Variants in SGK3 observed in about 807,000 individuals in gnomAD.
The protein encoded by SGK3 is serum/glucocorticoid regulated kinase family member 3.
Under a neutral mutation model 68.5 loss-of-function variants are expected in SGK3, and 47 were observed. The observed-to-expected ratio is 0.69, with a 90% confidence interval of 0.54 to 0.87. SGK3 has a LOEUF of 0.87. SGK3 is among the 40% of genes least tolerant of loss of function. The pLI, the probability that SGK3 is intolerant of heterozygous loss-of-function variation, is 0.00. For missense variants in SGK3, 479 were observed against 575.5 expected, an observed-to-expected ratio of 0.83 and a Z score of 1.72; for synonymous variants, 181 against 189.1, an observed-to-expected ratio of 0.96 and a Z score of 0.35.
intron 16 of SGK3, 92 bp from the exon 17 acceptor site, chr8:66,859,319 G>A: frequency 1.0e-5 from 14 of 1,348,454 alleles, no homozygotes; most frequent in Non-Finnish European, 1.3e-5. Flanking sequence ...AGGTGGCAGT[G>A]TGAGACTCTG....
intron 1 of SGK3, among the ~76,000 whole-genome samples, chr8:66,778,445 C>T (rs1806811295): frequency 6.6e-6 from 1 of 152,094 alleles, no homozygotes; most frequent in African/African-American, 2.4e-5. Context: ...TACAGGCGCC[C>T]GCCACCACGC....
chr8:66,848,008 A>C (rs1810105692), intron 15 of SGK3, among the ~76,000 whole-genome samples: 2 of 152,130 alleles, frequency 1.3e-5, no homozygotes, highest in Admixed American at 1.3e-4. Flanking sequence ...ATGCACAAAA[A>C]TATTGAGGAA....
At chr8:66,780,286 G>A (rs1232510339) in intron 1 of SGK3, among the ~76,000 whole-genome samples, 1 of 152,088 alleles carries the variant, frequency 6.6e-6, no homozygotes, top group African/African-American at 2.4e-5. Flanking sequence ...ATTTCTAAAC[G>A]TCTCTCTCCA....
chr8:66,755,065 C>T (rs370210612), intron 1 of SGK3, among the ~76,000 whole-genome samples: 12 of 152,044 alleles, frequency 7.9e-5, no homozygotes, highest in Admixed American at 7.2e-4. Context: ...TCAAGACCAC[C>T]CTGACCAACA....
At chr8:66,768,597 C>G (rs972695967) in intron 1 of SGK3, among the ~76,000 whole-genome samples, 1 of 152,140 alleles carries the variant, frequency 6.6e-6, no homozygotes, top group Non-Finnish European at 1.5e-5. Context: ...TGGAATCTTG[C>G]TCTGTCACCC....
chr8:66,804,990 G>A (rs946970221), intron 4 of SGK3, among the ~76,000 whole-genome samples: 2 of 151,738 alleles, frequency 1.3e-5, no homozygotes, highest in Non-Finnish European at 2.9e-5. Context: ...GAGGCGAGAG[G>A]ATAGCTTGAG....
At chr8:66,855,322 C>A (rs893340663) in intron 16 of SGK3, among the ~76,000 whole-genome samples, 2 of 152,286 alleles carry the variant, frequency 1.3e-5, no homozygotes, top group Admixed American at 1.3e-4. Flanking sequence ...CCTGCCTCAG[C>A]CTCCCAAGTA....
rs1329649596 is a variant in SGK3 at position 66,759,074 on chromosome 8, TTTC to T, written c.-121-34536_-121-34534del. 6.0e-5 allele frequency among the ~76,000 whole-genome samples: 8 copies of T among 133,036 alleles called. No individual in the cohort carries two copies. The South Asian group carries it at 1.2e-3, about 19-fold the overall frequency. 87.3% of individuals were successfully genotyped at this position (133,036 alleles called of 152,430 possible). On this transcript the variant is annotated intron_variant, in intron 1 of 16. Coordinates refer to ENST00000521198, the MANE Select transcript of SGK3 (RefSeq NM_001033578.3). ...TAAGGCCTTCTTTTTTCTTTTTTCT[TTTC>T]TTCTTTTTTTTTTTTTTTGAGACAG... is the stretch of plus-strand genomic sequence containing the variant.
chr8:66,760,336 T>TC (rs1480463103), intron 1 of SGK3, among the ~76,000 whole-genome samples: 1 of 111,336 alleles, frequency 9.0e-6, no homozygotes, highest in East Asian at 2.1e-4. Context: ...TTTTCTTTTT[T>TC]TTTTTTTTTT....
At chr8:66,722,272 T>G (rs2130337366) in intron 1 of SGK3, among the ~76,000 whole-genome samples, 2 of 152,232 alleles carry the variant, frequency 1.3e-5, no homozygotes, top group South Asian at 4.1e-4. Context: ...GATGTTTTTG[T>G]TTTTGTTTTT....
At chr8:66,760,806 T>A (rs1806144572) in intron 1 of SGK3, among the ~76,000 whole-genome samples, 1 of 152,180 alleles carries the variant, frequency 6.6e-6, no homozygotes, top group Admixed American at 6.5e-5. Context: ...TTTTGATATA[T>A]AGCAGAAGTG....
chr8:66,767,959 A>G (rs6472285), intron 1 of SGK3: 70,004 of 900,002 alleles, frequency 0.078, 5,335 homozygotes, highest in African/African-American at 0.33. Flanking sequence ...AGCCACAAGG[A>G]TGCCTGGTTC....
At chr8:66,758,175 G>A (rs1014284758) in intron 1 of SGK3, among the ~76,000 whole-genome samples, 20 of 151,798 alleles carry the variant, frequency 1.3e-4, no homozygotes, top group Admixed American at 7.9e-4. Context: ...CCAACATGGC[G>A]AAACCCTGTC....
chr8:66,746,578 A>G (rs1805661231), intron 1 of SGK3, among the ~76,000 whole-genome samples: 1 of 151,930 alleles, frequency 6.6e-6, no homozygotes, highest in African/African-American at 2.4e-5. Context: ...TTTAAAGGCA[A>G]AATCTCATTC....
At chr8:66,768,582 T>G (rs1461624430) in intron 1 of SGK3, among the ~76,000 whole-genome samples, 1 of 152,182 alleles carries the variant, frequency 6.6e-6, no homozygotes, top group Non-Finnish European at 1.5e-5. Context: ...TTATTTATTT[T>G]GAGATGGAAT....
intron 1 of SGK3, among the ~76,000 whole-genome samples, chr8:66,760,688 A>G (rs1462789449): frequency 6.6e-6 from 1 of 152,168 alleles, no homozygotes; most frequent in Non-Finnish European, 1.5e-5. Context: ...GGCAAATACC[A>G]TCATTTGTCC....
chr8:66,803,533 G>A (rs188981032), intron 3 of SGK3, among the ~76,000 whole-genome samples: 80 of 147,260 alleles, frequency 5.4e-4, no homozygotes, highest in Non-Finnish European at 1.1e-3. Flanking sequence ...GTGTATTTTT[G>A]ACATCAAACT....
intron 16 of SGK3, 85 bp from the exon 17 acceptor site, chr8:66,859,326 T>A (rs1395691869): frequency 7.3e-7 from 1 of 1,375,094 alleles, no homozygotes; most frequent in Non-Finnish European, 9.5e-7. Context: ...AGTGTGAGAC[T>A]CTGTCTCAAA....
chr8:66,767,385 G>A, intron 1 of SGK3: 1 of 1,227,006 alleles, frequency 8.1e-7, no homozygotes, highest in Non-Finnish European at 1.2e-6. Flanking sequence ...AAACTCTAAA[G>A]CACTAAGAAA....
Sources: gnomAD v4.1 joint callset for allele counts (sites outside exome capture counted in the v4.1 genomes callset) on GRCh38, gnomAD v4.1.1 for gene constraint, MANE v1.5 for transcripts, NCBI Gene and HGNC (gene_info 2026-07-23, HGNC 2026-07-21) for gene names.